The following MYRFL variants were observed in gnomAD, a reference collection of about 807,000 sequenced individuals.
MYRFL encodes the protein myelin regulatory factor like.
In MYRFL, 88 loss-of-function variants were observed where a neutral mutation model predicts 109.4. That is an observed-to-expected ratio of 0.80 (90% confidence interval 0.68 to 0.96). MYRFL has a LOEUF of 0.96. MYRFL is among the 40% of genes least tolerant of loss of function. The probability of loss-of-function intolerance (pLI) is 0.00; values close to 1 mark genes in which losing one functional copy is unlikely to be tolerated. For synonymous variants in MYRFL, 324 were observed against 320.9 expected (o/e 1.01, Z -0.10); for missense variants, 957 against 954.9 (o/e 1.00, Z -0.03).
At chr12:69,913,788 T>C (rs1954650601) in intron 13 of MYRFL, among the ~76,000 whole-genome samples, 1 of 152,218 alleles carries the variant, frequency 6.6e-6, no homozygotes, top group African/African-American at 2.4e-5. Context: ...CAGGGTCTCT[T>C]AAGATCCCAC....
At chr12:69,937,184 A>AAAAGT (rs1250125792) in intron 19 of MYRFL, among the ~76,000 whole-genome samples, 1 of 152,192 alleles carries the variant, frequency 6.6e-6, no homozygotes, top group Non-Finnish European at 1.5e-5. Flanking sequence ...CATGGTAAAA[A>AAAAGT]AAAGTATAGA....
intron 1 of MYRFL, among the ~76,000 whole-genome samples, chr12:69,841,180 C>T (rs527485545): frequency 6.6e-6 from 1 of 152,254 alleles, no homozygotes; most frequent in African/African-American, 2.4e-5. Flanking sequence ...ACTTCTATCT[C>T]CAAGAGTACA....
intron 19 of MYRFL, among the ~76,000 whole-genome samples, chr12:69,947,640 T>C (rs1009011797): frequency 3.3e-5 from 5 of 152,206 alleles, no homozygotes; most frequent in Non-Finnish European, 5.9e-5. Context: ...TGGAATTCTA[T>C]AGAATATATT....
chr12:69,865,325 C>G (rs11177912), intron 2 of MYRFL, among the ~76,000 whole-genome samples: 8,393 of 152,162 alleles, frequency 0.055, 777 homozygotes, highest in African/African-American at 0.19. Flanking sequence ...GGGAGGAAAC[C>G]CAGCAGGGTC....
At chr12:69,910,744 A>G in intron 12 of MYRFL, 77 bp from the exon 13 acceptor site, 2 of 1,097,234 alleles carry the variant, frequency 1.8e-6, no homozygotes, top group Non-Finnish European at 1.3e-6. Flanking sequence ...TTGTAGATCA[A>G]AGCAAAAGCT....
At chr12:69,848,653 T>G (rs548337865) in intron 1 of MYRFL, among the ~76,000 whole-genome samples, 1 of 152,300 alleles carries the variant, frequency 6.6e-6, no homozygotes, top group African/African-American at 2.4e-5. Flanking sequence ...TCTTTGATTT[T>G]ATAAGTTTAA....
chr12:69,947,536 T>C (rs1955869929), intron 19 of MYRFL, among the ~76,000 whole-genome samples: 1 of 152,190 alleles, frequency 6.6e-6, no homozygotes, highest in South Asian at 2.1e-4. Context: ...CTGAATGTGA[T>C]GAATTAGATT....
chr12:69,896,744 C>T (rs551407492), intron 9 of MYRFL, among the ~76,000 whole-genome samples: 1 of 152,332 alleles, frequency 6.6e-6, no homozygotes, highest in South Asian at 2.1e-4. Context: ...GGGCTCTGAA[C>T]AAAGGGACCT....
chr12:69,861,692 G>T (rs928485460), intron 2 of MYRFL, among the ~76,000 whole-genome samples: 2 of 152,002 alleles, frequency 1.3e-5, no homozygotes. Context: ...CTCCCATTTT[G>T]TAGGTTGCCT....
chr12:69,850,764 C>A (rs1173690012), intron 1 of MYRFL, among the ~76,000 whole-genome samples: 21 of 152,248 alleles, frequency 1.4e-4, no homozygotes, highest in Non-Finnish European at 4.4e-5. Flanking sequence ...CCTATATTTA[C>A]ATGAATTCGC....
At chr12:69,837,540 T>C (rs1416299115) in intron 1 of MYRFL, among the ~76,000 whole-genome samples, 1 of 152,204 alleles carries the variant, frequency 6.6e-6, no homozygotes, top group Non-Finnish European at 1.5e-5. Context: ...ATATATGTTA[T>C]CACATTTCAT....
intron 15 of MYRFL, among the ~76,000 whole-genome samples, 169 bp from the exon 16 acceptor site, chr12:69,932,344 A>T (rs1955296460): frequency 6.6e-6 from 1 of 152,206 alleles, no homozygotes; most frequent in South Asian, 2.1e-4. Flanking sequence ...ACTTTGAAAG[A>T]ATGTTGTTTT....
intron 2 of MYRFL, among the ~76,000 whole-genome samples, chr12:69,873,891 C>T (rs1885504204): frequency 6.6e-6 from 1 of 150,888 alleles, no homozygotes; most frequent in Non-Finnish European, 1.5e-5. Context: ...TAACTCCTTT[C>T]TTGGTTTATT....
intron 20 of MYRFL, 65 bp downstream of exon 20, chr12:69,952,240 A>G: frequency 7.1e-7 from 1 of 1,406,570 alleles, no homozygotes; most frequent in Non-Finnish European, 9.7e-7. Flanking sequence ...AACAAGTTGT[A>G]AAAGCATTGC....
At chr12:69,893,898 GT>G (rs962679033) in intron 8 of MYRFL, 58 bp downstream of exon 8, 52 of 571,592 alleles carry the variant, frequency 9.1e-5, no homozygotes, top group Non-Finnish European at 1.2e-4. Context: ...CACCTACTTT[GT>G]TTTTTATATA....
intron 7 of MYRFL, among the ~76,000 whole-genome samples, chr12:69,891,601 CTT>C (rs773512061): frequency 7.5e-6 from 1 of 133,922 alleles, no homozygotes; most frequent in South Asian, 2.5e-4. Flanking sequence ...TTCTTTCTTT[CTT>C]TCTCTTTCTT....
intron 12 of MYRFL, 119 bp downstream of exon 12, chr12:69,910,196 C>T (rs1954512852): frequency 1.2e-5 from 8 of 677,460 alleles, no homozygotes; most frequent in Non-Finnish European, 1.4e-5. Flanking sequence ...CTAACTTGTT[C>T]TCTGTGAAAC....
chr12:69,924,190 GAAAA>G (rs543542332), intron 13 of MYRFL, among the ~76,000 whole-genome samples: 2 of 79,876 alleles, frequency 2.5e-5, no homozygotes, highest in African/African-American at 9.9e-5. Context: ...CTCCGTCTCA[GAAAA>G]AAAAAAAAAA....
intron 19 of MYRFL, among the ~76,000 whole-genome samples, chr12:69,942,480 C>A (rs1306396026): frequency 6.6e-6 from 1 of 151,396 alleles, no homozygotes; most frequent in African/African-American, 2.4e-5. Flanking sequence ...TGACAAAATT[C>A]AACAACTTTT....
Sources: allele counts gnomAD v4.1 joint callset (sites outside exome capture counted in the v4.1 genomes callset), GRCh38; gene constraint gnomAD v4.1.1; transcripts MANE v1.5; gene names NCBI Gene and HGNC (gene_info 2026-07-23, HGNC 2026-07-21).